Variants in ANO1 observed in about 807,000 individuals in gnomAD.
ANO1 encodes the protein anoctamin 1.
In ANO1, 59 loss-of-function variants were observed where a neutral mutation model predicts 124.0. The ratio of observed to expected loss-of-function variants is 0.48; its 90% CI spans 0.39 to 0.59. ANO1 has a LOEUF of 0.59. Ranked by LOEUF, ANO1 falls within the 20% of genes least tolerant of loss-of-function variation. ANO1 has a pLI of 0.00. For synonymous variants in ANO1, 529 were observed against 532.0 expected (o/e 0.99, Z 0.08); for missense variants, 1,059 against 1,328.0 (o/e 0.80, Z 3.15).
At chr11:70,010,945 G>C (rs553839514) in intron 1 of ANO1, among the ~76,000 whole-genome samples, 44 of 152,372 alleles carry the variant, frequency 2.9e-4, no homozygotes, top group Non-Finnish European at 4.8e-4. Flanking sequence ...CTGGGGCAGG[G>C]ACTGCCTGTC....
chr11:70,174,800 C>G (rs1048673889), intron 22 of ANO1, among the ~76,000 whole-genome samples: 1 of 152,268 alleles, frequency 6.6e-6, no homozygotes, highest in South Asian at 2.1e-4. Context: ...AAAAGGGGAC[C>G]CTGGGTCTGC....
intron 1 of ANO1, among the ~76,000 whole-genome samples, chr11:70,036,758 C>T (rs2135046079): frequency 6.6e-6 from 1 of 152,322 alleles, no homozygotes; most frequent in South Asian, 2.1e-4. Flanking sequence ...TAGGCACCCG[C>T]CACCACACCC....
At chr11:70,092,073 C>A (rs1366865602) in intron 2 of ANO1, among the ~76,000 whole-genome samples, 2 of 152,204 alleles carry the variant, frequency 1.3e-5, no homozygotes, top group Non-Finnish European at 2.9e-5. Context: ...AGGGGAGGAT[C>A]CTTCCTGCCT....
chr11:70,078,505 G>T lies in ANO1; in HGVS notation c.-102G>T. The T allele has an allele frequency of 5.3e-6, 3 of 564,330 alleles. No homozygotes were observed. 35.0% of individuals were successfully genotyped at this position (564,330 alleles called of 1,614,324 possible). Reference sequence around the variant, plus strand: ...TGGGCGCGGGGAGGCCCGGCCCCCTGCGAGCGCGCCGCGAACGCTGCGGTC... The same window carrying T: ...TGGGCGCGGGGAGGCCCGGCCCCCTTCGAGCGCGCCGCGAACGCTGCGGTC... On this transcript the variant is annotated 5_prime_UTR_variant, in exon 1 of 26. Transcript: ENST00000355303.
At chr11:70,027,531 G>A (rs1555003362) in intron 1 of ANO1, among the ~76,000 whole-genome samples, 1 of 152,236 alleles carries the variant, frequency 6.6e-6, no homozygotes, top group Non-Finnish European at 1.5e-5. Flanking sequence ...GGGTTGGATG[G>A]CTTTTCATTC....
At chr11:70,083,444 C>G (rs2044261085) in intron 1 of ANO1, among the ~76,000 whole-genome samples, 1 of 152,070 alleles carries the variant, frequency 6.6e-6, no homozygotes, top group African/African-American at 2.4e-5. Flanking sequence ...GCTGTCTCTC[C>G]CTCCACCATG....
intron 3 of ANO1, 127 bp from the exon 4 acceptor site, chr11:70,103,872 A>G: frequency 9.7e-7 from 1 of 1,033,896 alleles, no homozygotes; most frequent in South Asian, 1.8e-5. Flanking sequence ...TGGCCCACCC[A>G]GGTGCTCTGC....
intron 1 of ANO1, among the ~76,000 whole-genome samples, chr11:70,030,856 G>T (rs1856988055): frequency 6.6e-6 from 1 of 152,214 alleles, no homozygotes; most frequent in Admixed American, 6.5e-5. Flanking sequence ...ATCCCACAGA[G>T]GCAGAAGGAA....
At chr11:70,044,827 A>C (rs1484836341) in intron 1 of ANO1, among the ~76,000 whole-genome samples, 1 of 152,240 alleles carries the variant, frequency 6.6e-6, no homozygotes, top group Admixed American at 6.5e-5. Flanking sequence ...CTAAGAAGAC[A>C]TGACAACTCC....
intron 1 of ANO1, chr11:70,085,558 T>A (rs754007313): frequency 6.5e-7 from 1 of 1,536,034 alleles, no homozygotes; most frequent in South Asian, 1.2e-5. Flanking sequence ...CAATGCTGTT[T>A]CCAGGAGAGG....
At chr11:70,135,460 G>T (rs2135543626) in intron 11 of ANO1, among the ~76,000 whole-genome samples, 1 of 152,324 alleles carries the variant, frequency 6.6e-6, no homozygotes, top group South Asian at 2.1e-4. Context: ...GGGCCCTGGA[G>T]AAAGCAGCCA....
At chr11:70,126,216 ACCAC>A (rs761096522) in intron 10 of ANO1, 21 bp downstream of exon 10, 1 of 1,557,010 alleles carries the variant, frequency 6.4e-7, no homozygotes, top group Admixed American at 1.7e-5. Context: ...GCCCACCCCC[ACCAC>A]CCCGCAGTAC....
At chr11:69,983,446 C>A (rs1486993330), upstream of ANO1, among the ~76,000 whole-genome samples, 1 of 152,194 alleles carries the variant, frequency 6.6e-6, no homozygotes, top group Non-Finnish European at 1.5e-5. Context: ...CACGCCACCT[C>A]CCCGAGCCAG....
chr11:70,026,400 C>T (rs1856908713), intron 1 of ANO1, among the ~76,000 whole-genome samples: 1 of 136,678 alleles, frequency 7.3e-6, no homozygotes, highest in African/African-American at 2.8e-5. Context: ...AAAATGACAA[C>T]AATAATGATG....
chr11:70,045,852 T>C (rs1252813074), intron 1 of ANO1, among the ~76,000 whole-genome samples: 2 of 152,156 alleles, frequency 1.3e-5, no homozygotes, highest in Non-Finnish European at 2.9e-5. Flanking sequence ...AAGATATGAA[T>C]GTAAGATGGT....
At chr11:70,184,524 G>A (rs543230041) in intron 24 of ANO1, among the ~76,000 whole-genome samples, 1 of 152,230 alleles carries the variant, frequency 6.6e-6, no homozygotes, top group South Asian at 2.1e-4. Flanking sequence ...AGAACCAGGG[G>A]CAGTTCCTTC....
chr11:70,131,762 C>T (rs1023899003), intron 10 of ANO1, among the ~76,000 whole-genome samples, 157 bp from the exon 11 acceptor site: 4 of 152,212 alleles, frequency 2.6e-5, no homozygotes, highest in Admixed American at 1.3e-4. Flanking sequence ...CAGGGCATGG[C>T]TAAGCACCCG....
chr11:70,010,179 G>GTATGTGTGTA (rs1188271051), intron 1 of ANO1, among the ~76,000 whole-genome samples: 43 of 83,776 alleles, frequency 5.1e-4, no homozygotes, highest in South Asian at 1.9e-3. Flanking sequence ...GTGTGTGTGT[G>GTATGTGTGTA]TATATATATA....
At position 70,188,025 on chromosome 11, in the gene ANO1, A is replaced by C. The variant is rs1480247941; in HGVS notation, c.*21A>C. The C allele has an allele frequency of 6.5e-7, 1 of 1,545,242 alleles. No homozygotes were observed. Among genetic ancestry groups the C allele is most frequent in the East Asian group, 2.4e-5 (1 of 41,142 alleles). ...TGTAGCTATGCCAGCGGGGCTGGGC[A>C]GGCCAGCCGGGCATCCTGACCGATG... is the stretch of plus-strand genomic sequence containing the variant. On this transcript the variant is annotated 3_prime_UTR_variant, in exon 26 of 26. Transcript: ENST00000355303.
Sources: gnomAD v4.1 joint callset for allele counts (sites outside exome capture counted in the v4.1 genomes callset) on GRCh38, gnomAD v4.1.1 for gene constraint, MANE v1.5 for transcripts, NCBI Gene and HGNC (gene_info 2026-07-23, HGNC 2026-07-21) for gene names.